The following BRCA2 variants were observed in gnomAD, a reference collection of about 807,000 sequenced individuals.
BRCA2 encodes the protein BRCA2 DNA repair associated.
BRCA2 carries 203 observed loss-of-function variants against 276.7 expected under a neutral mutation model. The observed-to-expected ratio is 0.73, with a 90% CI of 0.65 to 0.82. The LOEUF (loss-of-function observed/expected upper bound fraction) is 0.82, where lower values mean the gene tolerates loss of function less well. BRCA2 is among the 40% of genes least tolerant of loss of function. BRCA2 has a pLI of 0.00. For synonymous variants in BRCA2, 1,289 were observed against 1,338.4 expected, an observed-to-expected ratio of 0.96 and a Z score of 0.81; for missense variants, 3,920 against 3,915.0, an observed-to-expected ratio of 1.00 and a Z score of -0.03.
In BRCA2 at chr13:32,355,269, G is replaced by A. The variant is rs913854315; in HGVS notation, c.7416G>A (p.Lys2472=). The A allele has an allele frequency of 1.9e-6, 3 of 1,613,628 alleles. No homozygotes were observed. Among genetic ancestry groups the A allele is most frequent in the African/African-American group, 2.7e-5 (2 of 74,924 alleles). The change falls in exon 14 of 27, where the codon AAG becomes AAA. Residue 2472 remains lysine, a synonymous_variant. Coordinates refer to ENST00000380152, the MANE Select transcript of BRCA2 (RefSeq NM_000059.4). ...AAGCAGTAGCTGTAACTTTCACAAA[G>A]TGTGAAGAAGAACCTTTAGGTATTG... ...SNQAVAVTFT[K]CEEEPLDLIT...
intron 11 of BRCA2, among the ~76,000 whole-genome samples, chr13:32,343,796 A>C (rs1030105738): frequency 6.6e-6 from 1 of 152,146 alleles, no homozygotes; most frequent in African/African-American, 2.4e-5. Context: ...ATAAGTGTAT[A>C]ACTTAGTCAG....
chr13:32,378,757 G>A lies in BRCA2; in HGVS notation c.8755-560G>A, dbSNP rs114056196. 2.5e-3 allele frequency among the ~76,000 whole-genome samples: 375 copies of A among 152,284 alleles called. 1 individual carries two copies. The highest frequency in any genetic ancestry group is 8.5e-3 in the African/African-American group (354 of 41,572). On this transcript the variant is annotated intron_variant, in intron 21 of 26. Coordinates refer to ENST00000380152, the MANE Select transcript of BRCA2 (RefSeq NM_000059.4). The stretch of plus-strand genomic sequence containing the variant: ...TACAAGTAGAAATTTGCTAAAGTGA[G>A]TAGGACAGAAGTGTAGAGGCAAACA...
intron 21 of BRCA2, 47 bp downstream of exon 21, chr13:32,376,838 G>GT: frequency 6.2e-7 from 1 of 1,607,878 alleles, no homozygotes; most frequent in Non-Finnish European, 8.5e-7. Flanking sequence ...ATTATTCAAG[G>GT]TGAGAAGCTG....
At chr13:32,322,052 A>C (rs2072309444) in intron 3 of BRCA2, among the ~76,000 whole-genome samples, 1 of 152,016 alleles carries the variant, frequency 6.6e-6, no homozygotes, top group African/African-American at 2.4e-5. Context: ...GGTTCTATGG[A>C]TTTTGACAAA....
intron 2 of BRCA2, among the ~76,000 whole-genome samples, chr13:32,317,394 G>A (rs751099107): frequency 6.6e-5 from 10 of 152,102 alleles, no homozygotes; most frequent in Admixed American, 2.6e-4. Flanking sequence ...TCACTTATCT[G>A]TGTCTAATCT....
At chr13:32,365,398 G>A (rs1247454422) in intron 18 of BRCA2, among the ~76,000 whole-genome samples, 1 of 151,680 alleles carries the variant, frequency 6.6e-6, no homozygotes, top group African/African-American at 2.4e-5. Context: ...ATTTATTTTT[G>A]AGACAAAGTC....
intron 20 of BRCA2, among the ~76,000 whole-genome samples, chr13:32,373,339 C>T (rs2072848074): frequency 6.6e-6 from 1 of 151,440 alleles, no homozygotes; most frequent in Non-Finnish European, 1.5e-5. Context: ...AACCCTGTTT[C>T]TATGAAAAAT....
intron 25 of BRCA2, among the ~76,000 whole-genome samples, chr13:32,395,382 C>G (rs1196373178): frequency 6.6e-6 from 1 of 152,102 alleles, no homozygotes; most frequent in Non-Finnish European, 1.5e-5. Flanking sequence ...TTCCCTAGAT[C>G]ATGTATGCAT....
chr13:32,372,007 A>G (rs1566249791), intron 20 of BRCA2, among the ~76,000 whole-genome samples: 1 of 152,220 alleles, frequency 6.6e-6, no homozygotes, highest in Non-Finnish European at 1.5e-5. Context: ...CTGCTGAGTG[A>G]TCAGAGTGGT....
rs1306507591 is a variant in BRCA2 at position 32,332,317 on chromosome 13, A to G, written c.839A>G (p.Lys280Arg). Residue 280 changes from lysine to arginine, a missense_variant, in exon 10 of 27, where the codon AAA (lysine) becomes AGA (arginine). Physicochemically the swap from Lys to Arg is conservative, Grantham distance 26. Coordinates refer to ENST00000380152, the MANE Select transcript of BRCA2 (RefSeq NM_000059.4). ...AATTCATTTAAAGTAAATAGCTGCA[A>G]AGACCACATTGGAAAGTCAATGCCA... The part of the protein sequence containing the change: ...SGNSFKVNSC[K>R]DHIGKSMPNV... 1 of 1,606,050 alleles carries G rather than the reference A, an allele frequency of 6.2e-7. No homozygotes were observed. Among genetic ancestry groups the G allele is most frequent in the African/African-American group, 1.3e-5 (1 of 74,514 alleles).
intron 18 of BRCA2, among the ~76,000 whole-genome samples, chr13:32,368,678 C>G (rs1174870361): frequency 6.6e-6 from 1 of 151,774 alleles, no homozygotes; most frequent in African/African-American, 2.4e-5. Context: ...ACTAGGAGAC[C>G]CTCAAATATC....
rs1566232471 is a variant in BRCA2, at chr13:32,339,808, C to A, written c.5453C>A (p.Ser1818Ter). The A allele has an allele frequency of 6.2e-7, 1 of 1,613,848 alleles. No individual in the cohort carries two copies. The highest frequency in any genetic ancestry group is 8.5e-7 in the Non-Finnish European group (1 of 1,179,772). ...GTTGAGGAACTTGTGACTAGCTCTT[C>A]ACCCTGCAAAAATAAAAATGCAGCC... ...ICVEELVTSSSPCKNKNAAIK... is the reference protein window; with the variant it reads ...ICVEELVTSS Residue 1818 changes from serine (S) to a stop codon, truncating the protein, a stop_gained, in exon 11 of 27, where the codon TCA (serine) becomes TAA (stop). Transcript: ENST00000380152. LOFTEE classifies it high-confidence loss of function.
chr13:32,317,949 A>G (rs1175912581), intron 2 of BRCA2, among the ~76,000 whole-genome samples: 2 of 152,276 alleles, frequency 1.3e-5, no homozygotes, highest in Non-Finnish European at 2.9e-5. Flanking sequence ...GTACTTCAGT[A>G]TGCAGAAGTG....
intron 25 of BRCA2, 61 bp from the exon 26 acceptor site, chr13:32,396,837 T>C: frequency 3.1e-6 from 5 of 1,596,892 alleles, no homozygotes; most frequent in Non-Finnish European, 4.3e-6. Context: ...GGAAATACTT[T>C]TGGAAACATA....
chr13:32,350,763 C>T (rs763012396), intron 13 of BRCA2, among the ~76,000 whole-genome samples: 53 of 151,454 alleles, frequency 3.5e-4, no homozygotes, highest in Non-Finnish European at 6.3e-4. Context: ...AAAAAAAAAA[C>T]AACAAAATAA....
chr13:32,385,400 C>T (rs908823900), intron 24 of BRCA2: 5 of 216,904 alleles, frequency 2.3e-5, no homozygotes, highest in Non-Finnish European at 3.0e-5. Flanking sequence ...CTGGCCAATA[C>T]GTCCATGCAG....
At chr13:32,348,442 G>A (rs2072625624) in intron 13 of BRCA2, among the ~76,000 whole-genome samples, 1 of 152,044 alleles carries the variant, frequency 6.6e-6, no homozygotes, top group South Asian at 2.1e-4. Context: ...AAATTCATTA[G>A]AGGACCAAGA....
At chr13:32,375,398 C>A in intron 20 of BRCA2, 1 of 452,262 alleles carries the variant, frequency 2.2e-6, no homozygotes, top group Non-Finnish European at 4.4e-6. Flanking sequence ...GGGTTGGAAT[C>A]AACTTCTGGT....
chr13:32,331,061 T>A (rs1439718267), intron 9 of BRCA2, 31 bp downstream of exon 9: 1 of 1,496,030 alleles, frequency 6.7e-7, no homozygotes, highest in Non-Finnish European at 9.3e-7. Context: ...AACTACAGGT[T>A]TTTTTGTTGT....
Sources: allele counts gnomAD v4.1 joint callset (sites outside exome capture counted in the v4.1 genomes callset), GRCh38; gene constraint gnomAD v4.1.1; transcripts MANE v1.5; gene names NCBI Gene and HGNC (gene_info 2026-07-23, HGNC 2026-07-21).